The following KCNK12 variants were observed in gnomAD, a reference collection of about 807,000 sequenced individuals.
The protein encoded by KCNK12 is potassium channel subfamily K member 12.
In KCNK12, 6 loss-of-function variants were observed where a neutral mutation model predicts 25.3. The observed-to-expected ratio is 0.24, with a 90% CI of 0.13 to 0.47. The LOEUF is 0.47. KCNK12 is among the 20% of genes least tolerant of loss of function. The pLI, the probability that KCNK12 is intolerant of heterozygous loss-of-function variation, is 0.99. For synonymous variants in KCNK12, 331 were observed against 311.1 expected, an observed-to-expected ratio of 1.06 and a Z score of -0.67; for missense variants, 444 against 661.7, an observed-to-expected ratio of 0.67 and a Z score of 3.61.
chr2:47,522,122 T>TG (rs1310852422), intron 1 of KCNK12, among the ~76,000 whole-genome samples: 7 of 152,166 alleles, frequency 4.6e-5, no homozygotes, highest in African/African-American at 1.7e-4. Flanking sequence ...TAGAAACCAC[T>TG]GCTGCACAGG....
At chr2:47,527,613 C>T (rs974403144) in intron 1 of KCNK12, 3 of 152,348 alleles carry the variant, frequency 2.0e-5, no homozygotes, top group Non-Finnish European at 2.9e-5. Context: ...TCTGACTCCT[C>T]CAAACTCTTC....
intron 1 of KCNK12, among the ~76,000 whole-genome samples, chr2:47,546,435 A>C (rs1213052455): frequency 2.0e-5 from 3 of 152,212 alleles, no homozygotes; most frequent in East Asian, 3.9e-4. Context: ...ATTTAAAGCG[A>C]TTCTCATGTT....
chr2:47,519,467 C>G lies in KCNK12; in HGVS notation c.*1440G>C, dbSNP rs575245751. On this transcript the variant is annotated 3_prime_UTR_variant, in exon 2 of 2. Coordinates refer to ENST00000327876, the MANE Select transcript of KCNK12 (RefSeq NM_022055.2). ...GCCTGTATAAACTCTGGCACCTGTC[C>G]TTGCCCTCATCATATATGAGAAAAA... 3.6e-4 allele frequency: 55 copies of G among 152,310 alleles called. No homozygotes were observed. Among genetic ancestry groups the G allele is most frequent in the African/African-American group, 1.3e-3 (54 of 41,556 alleles). 9.4% of individuals were successfully genotyped at this position (152,310 alleles called of 1,614,324 possible).
intron 1 of KCNK12, among the ~76,000 whole-genome samples, chr2:47,530,924 A>C (rs1668909630): frequency 6.6e-6 from 1 of 152,232 alleles, no homozygotes; most frequent in East Asian, 1.9e-4. Flanking sequence ...CAGAGATTTG[A>C]AACTAGAGGA....
intron 1 of KCNK12, among the ~76,000 whole-genome samples, chr2:47,534,515 A>ACCCCCCCCCCCCCCCCCCCC (rs34901455): frequency 2.1e-5 from 1 of 48,162 alleles, no homozygotes; most frequent in Non-Finnish European, 3.7e-5. Flanking sequence ...GCCCCTTCTA[A>ACCCCCCCCCCCCCCCCCCCC]CCCCCCCCCC....
rs146936061 is a variant in KCNK12, at chr2:47,551,763, A to C, written c.391+18178T>G. On this transcript the variant is annotated intron_variant, in intron 1 of 1. Transcript: ENST00000327876. The surrounding 1 kb of genome is among the most constrained non-coding windows in gnomAD (Gnocchi z 5.3). ...GTGCTAGTCCTGGGGAAGGCAGATT[A>C]TTGGTTTAAGATTCAGTTCTAGCCA... 2.6e-3 allele frequency among the ~76,000 whole-genome samples: 399 copies of C among 152,340 alleles called. 2 individuals carry two copies. The highest frequency in any genetic ancestry group is 8.9e-3 in the African/African-American group (369 of 41,570).
chr2:47,551,417 C>T lies in KCNK12; in HGVS notation c.391+18524G>A, dbSNP rs1193458688. ...TTCTTTTTGCAGCATTTACCACCAC[C>T]TGACATTTATTTGTATGTTTATTTT... is the stretch of plus-strand genomic sequence containing the variant. On this transcript the variant is annotated intron_variant, in intron 1 of 1. Coordinates refer to ENST00000327876, the MANE Select transcript of KCNK12 (RefSeq NM_022055.2). The surrounding 1 kb of genome is among the most constrained non-coding windows in gnomAD (Gnocchi z 5.3). 2.0e-5 allele frequency among the ~76,000 whole-genome samples: 3 copies of T among 152,196 alleles called. No individual in the cohort carries two copies. The highest frequency in any genetic ancestry group is 4.4e-5 in the Non-Finnish European group (3 of 68,036).
Position 47,554,655 on chromosome 2 carries a change from T to C in KCNK12, c.391+15286A>G, listed in dbSNP as rs1669513886. On this transcript the variant is annotated intron_variant, in intron 1 of 1. Transcript: ENST00000327876. Reference sequence around the variant, plus strand: ...AGTGTCATGGTGAAGAGTCAGATTTTTTGCAACAGGAAGTCACTGAAGGAT... The same window carrying C: ...AGTGTCATGGTGAAGAGTCAGATTTCTTGCAACAGGAAGTCACTGAAGGAT... 2.0e-5 allele frequency among the ~76,000 whole-genome samples: 3 copies of C among 152,152 alleles called. No individual in the cohort carries two copies. In the South Asian group the frequency reaches 6.2e-4, roughly 32 times the overall value.
Position 47,515,321 on chromosome 2 carries a change from G to C in KCNK12, c.*5586C>G, listed in dbSNP as rs1417119393. On this transcript the variant is annotated 3_prime_UTR_variant, in exon 2 of 2. Transcript: ENST00000327876. Reference sequence around the variant, plus strand: ...ATCATGAAATCAGTTTAATAGCTTTGACCAGCATTAACCTATTTATGCCTA... The same window carrying C: ...ATCATGAAATCAGTTTAATAGCTTTCACCAGCATTAACCTATTTATGCCTA... Among the ~76,000 whole-genome samples the C allele has an allele frequency of 2.0e-5, 3 of 152,134 alleles. No homozygotes were observed. The highest frequency in any genetic ancestry group is 2.0e-4 in the Admixed American group (3 of 15,278).
At chr2:47,545,417 G>A (rs1340296304) in intron 1 of KCNK12, among the ~76,000 whole-genome samples, 1 of 152,220 alleles carries the variant, frequency 6.6e-6, no homozygotes, top group African/African-American at 2.4e-5. Flanking sequence ...AGCTTCCCCT[G>A]AAAGAAACCA....
At chr2:47,550,730 G>A (rs1232802092) in intron 1 of KCNK12, among the ~76,000 whole-genome samples, 1 of 151,870 alleles carries the variant, frequency 6.6e-6, no homozygotes, top group Non-Finnish European at 1.5e-5. Context: ...AATCTTTAAG[G>A]TGCTAAAAGA....
chr2:47,521,402 C>T lies in KCNK12; in HGVS notation c.798G>A (p.Gln266=), dbSNP rs1294198815. 8.7e-6 allele frequency: 14 copies of T among 1,613,376 alleles called. No homozygotes were observed. Among genetic ancestry groups the T allele is most frequent in the Non-Finnish European group, 1.2e-5 (14 of 1,179,768 alleles). ...TIGFGDLVSS[Q]HAAYRNQGLY... ...GCCCCTGGTTCCGGTAGGCGGCGTG[C>T]TGGCTGCTCACCAGGTCCCCGAAGC... The change falls in exon 2 of 2, where the codon CAG becomes CAA. Residue 266 remains glutamine (Q), a synonymous_variant. Transcript: ENST00000327876.
At position 47,513,101 on chromosome 2, in the gene KCNK12, A is replaced by G. The variant is rs1668443163; in HGVS notation, c.*7806T>C. On this transcript the variant is annotated 3_prime_UTR_variant, in exon 2 of 2. Transcript: ENST00000327876. The stretch of plus-strand genomic sequence containing the variant: ...CTGATACTACATAGATTATGCTTGC[A>G]CTCACTCTTAAGAGAGAGACATGAA... 1 of 152,304 alleles carries G rather than the reference A, an allele frequency of 6.6e-6. No homozygotes were observed. The highest frequency in any genetic ancestry group is 2.1e-4 in the South Asian group (1 of 4,828). 9.4% of individuals were successfully genotyped at this position (152,304 alleles called of 1,614,324 possible).
Position 47,529,796 on chromosome 2 carries a change from G to T in KCNK12, c.392-7988C>A, listed in dbSNP as rs1668878645. Among the ~76,000 whole-genome samples, 1 of 152,166 alleles carries T rather than the reference G, an allele frequency of 6.6e-6. No individual in the cohort carries two copies. Among genetic ancestry groups the T allele is most frequent in the African/African-American group, 2.4e-5 (1 of 41,414 alleles). On this transcript the variant is annotated intron_variant, in intron 1 of 1. Coordinates refer to ENST00000327876, the MANE Select transcript of KCNK12 (RefSeq NM_022055.2). This position sits in a 1 kb window ranked among gnomAD's most constrained non-coding sequence, Gnocchi z 4.3. ...ACTGGGCATGGCCCATGGCTCATTA[G>T]GGTTGCCAGGTAAAATACAGAACAC...
chr2:47,565,129 T>C lies in KCNK12; in HGVS notation c.391+4812A>G, dbSNP rs1669764850. 1 of 152,130 alleles carries C rather than the reference T, an allele frequency of 6.6e-6. No homozygotes were observed. Among genetic ancestry groups the C allele is most frequent in the African/African-American group, 2.4e-5 (1 of 41,430 alleles). The allele number at this position is 152,130 out of a possible 1,614,324, so 9.4% of individuals were successfully genotyped here. A position where few individuals can be genotyped will look rare whatever the true frequency, so the allele number is the denominator to read the frequency against. On this transcript the variant is annotated intron_variant, in intron 1 of 1. Coordinates refer to ENST00000327876, the MANE Select transcript of KCNK12 (RefSeq NM_022055.2). This position sits in a 1 kb window ranked among gnomAD's most constrained non-coding sequence, Gnocchi z 5.0. ...CTATGGTAAGCTGTGTTTGCACCAC[T>C]GTACTCCAGCCTGGGCAATGGAGTA... is the stretch of plus-strand genomic sequence containing the variant.
At chr2:47,542,102 G>T (rs902059065) in intron 1 of KCNK12, among the ~76,000 whole-genome samples, 6 of 152,210 alleles carry the variant, frequency 3.9e-5, no homozygotes, top group African/African-American at 1.4e-4. Flanking sequence ...TATTCCCAGA[G>T]AAATAACCTC....
At position 47,547,032 on chromosome 2, in the gene KCNK12, C is replaced by T. The variant is rs186147242; in HGVS notation, c.391+22909G>A. Among the ~76,000 whole-genome samples, 1,792 of 152,230 alleles carry T rather than the reference C, an allele frequency of 0.012. 13 individuals carry two copies. The highest frequency in any genetic ancestry group is 0.018 in the Non-Finnish European group (1,217 of 68,020). Reference sequence around the variant, plus strand: ...CACCCTCTGCCCCAAAAAGAAAGCCCGCAGTCCACAAGCCCCACCTATGCA... The same window carrying T: ...CACCCTCTGCCCCAAAAAGAAAGCCTGCAGTCCACAAGCCCCACCTATGCA... On this transcript the variant is annotated intron_variant, in intron 1 of 1. Transcript: ENST00000327876. This position sits in a 1 kb window ranked among gnomAD's most constrained non-coding sequence, Gnocchi z 5.0.
At chr2:47,561,944 G>T in intron 1 of KCNK12, 2 of 397,206 alleles carry the variant, frequency 5.0e-6, no homozygotes, top group Non-Finnish European at 8.9e-6. Flanking sequence ...GGGCTCAAAG[G>T]ACCTTGGGCA....
At position 47,560,281 on chromosome 2, in the gene KCNK12, C is replaced by A. The variant is rs534233752; in HGVS notation, c.391+9660G>T. ...GTTCTGGTGAGCTCTGTGGGAAGCA[C>A]GTGCTCTACCCTCTCCGATCTGGTT... On this transcript the variant is annotated intron_variant, in intron 1 of 1. Transcript: ENST00000327876. The surrounding 1 kb of genome is among the most constrained non-coding windows in gnomAD (Gnocchi z 4.7). 6.6e-6 allele frequency among the ~76,000 whole-genome samples: 1 copy of A among 152,228 alleles called. No individual in the cohort carries two copies. The highest frequency in any genetic ancestry group is 1.9e-4 in the East Asian group (1 of 5,198).
Sources: gnomAD v4.1 joint callset for allele counts (sites outside exome capture counted in the v4.1 genomes callset) on GRCh38, gnomAD v4.1.1 for gene constraint, Gnocchi (gnomAD v3.1) non-coding constraint, MANE v1.5 for transcripts, NCBI Gene and HGNC (gene_info 2026-07-23, HGNC 2026-07-21) for gene names.